The following PCDHGB4 variants were observed in gnomAD, a reference collection of about 807,000 sequenced individuals.
PCDHGB4 encodes protocadherin gamma-B4.
In PCDHGB4, 38 loss-of-function variants were observed where a neutral mutation model predicts 60.5. The ratio of observed to expected loss-of-function variants is 0.63; its 90% CI spans 0.48 to 0.82. PCDHGB4 has a LOEUF of 0.82. PCDHGB4 is among the 40% of genes least tolerant of loss of function. The pLI is 0.00. For missense variants in PCDHGB4, 1,109 were observed against 1,209.6 expected (o/e 0.92, Z 1.23); for synonymous variants, 456 against 509.7 (o/e 0.89, Z 1.42).
intron 1 of PCDHGB4, among the ~76,000 whole-genome samples, chr5:141,469,207 G>T (rs2099193654): frequency 6.6e-6 from 1 of 151,820 alleles, no homozygotes; most frequent in African/African-American, 2.4e-5. Flanking sequence ...GCCTTTTGAA[G>T]TTGAGGCTTC....
At position 141,438,631 on chromosome 5, in the gene PCDHGB4, T is replaced by C. The variant is rs1227796079; in HGVS notation, c.2397+48350T>C. 6.5e-4 allele frequency among the ~76,000 whole-genome samples: 28 copies of C among 43,202 alleles called. 1 individual carries two copies. Among genetic ancestry groups the C allele is most frequent in the Non-Finnish European group, 8.8e-4 (23 of 26,272 alleles). 28.3% of individuals were successfully genotyped at this position (43,202 alleles called of 152,430 possible). On this transcript the variant is annotated intron_variant, in intron 1 of 3. Transcript: ENST00000519479. ...ATATATATATATATATATATATATATATATACACACACACACACACATATA... is the reference window on the plus strand; with the variant it reads ...ATATATATATATATATATATATATACATATACACACACACACACACATATA...
At chr5:141,452,951 G>A (rs1397204185) in intron 1 of PCDHGB4, among the ~76,000 whole-genome samples, 1 of 152,154 alleles carries the variant, frequency 6.6e-6, no homozygotes, top group Admixed American at 6.6e-5. Context: ...GCAATTGGTT[G>A]TCTTTAAACT....
At chr5:141,453,377 T>TC (rs1242854086) in intron 1 of PCDHGB4, among the ~76,000 whole-genome samples, 3 of 152,072 alleles carry the variant, frequency 2.0e-5, no homozygotes, top group Admixed American at 2.0e-4. Context: ...CAAGTGATCC[T>TC]CCTGCCTTAG....
rs142172414 is a variant in PCDHGB4, at chr5:141,477,145, G to A, written c.2398-17662G>A. On this transcript the variant is annotated intron_variant, in intron 1 of 3. Coordinates refer to ENST00000519479, the MANE Select transcript of PCDHGB4 (RefSeq NM_003736.4). The surrounding 1 kb of genome is among the most constrained non-coding windows in gnomAD (Gnocchi z 4.9). ...ATTGCAAAGTGTTGGTGGAGGTTGT[G>A]GATGTGAATGACAACGCCCCGGAGA... The A allele has an allele frequency of 3.7e-6, 6 of 1,614,054 alleles. No homozygotes were observed. The African/African-American group carries it at 8.0e-5, about 22-fold the overall frequency.
Position 141,485,814 on chromosome 5 carries a change from C to T in PCDHGB4, c.2398-8993C>T, listed in dbSNP as rs2099619616. 7.4e-6 allele frequency: 12 copies of T among 1,613,982 alleles called. No individual in the cohort carries two copies. The East Asian group carries it at 2.2e-4, about 30-fold the overall frequency. On this transcript the variant is annotated intron_variant, in intron 1 of 3. Coordinates refer to ENST00000519479, the MANE Select transcript of PCDHGB4 (RefSeq NM_003736.4). This position sits in a 1 kb window ranked among gnomAD's most constrained non-coding sequence, Gnocchi z 5.7. ...TCGGACTACCGCCTGGTGCTGACTG[C>T]TGTCGATGGAGGGAACCCGCCGAGA...
intron 1 of PCDHGB4, chr5:141,411,352 C>T (rs1002274073): frequency 2.6e-5 from 4 of 152,176 alleles, no homozygotes; most frequent in African/African-American, 9.7e-5. Flanking sequence ...GAAAGTATCA[C>T]TTGAGCCCAA....
Position 141,477,209 on chromosome 5 carries a change from G to A in PCDHGB4, c.2398-17598G>A. ...CGTGTACAGCCCAGTACCCGAGGAT[G>A]CCCCTCTGGGGACTGTCATCGCTTT... is the stretch of plus-strand genomic sequence containing the variant. On this transcript the variant is annotated intron_variant, in intron 1 of 3. Coordinates refer to ENST00000519479, the MANE Select transcript of PCDHGB4 (RefSeq NM_003736.4). This position sits in a 1 kb window ranked among gnomAD's most constrained non-coding sequence, Gnocchi z 4.9. The A allele has an allele frequency of 6.2e-7, 1 of 1,614,194 alleles. No homozygotes were observed.
intron 1 of PCDHGB4, chr5:141,395,206 A>T: frequency 1.9e-6 from 3 of 1,613,736 alleles, no homozygotes; most frequent in Non-Finnish European, 2.5e-6. Flanking sequence ...GTAGATTTTC[A>T]TGAATATAAG....
At chr5:141,450,829 A>ATTTTT (rs373424450) in intron 1 of PCDHGB4, among the ~76,000 whole-genome samples, 3 of 135,122 alleles carry the variant, frequency 2.2e-5, no homozygotes, top group Admixed American at 7.6e-5. Flanking sequence ...TATTATTATT[A>ATTTTT]TTTTTTTTTT....
At chr5:141,503,801 G>A (rs920669425) in intron 2 of PCDHGB4, among the ~76,000 whole-genome samples, 1 of 151,990 alleles carries the variant, frequency 6.6e-6, no homozygotes, top group Admixed American at 6.6e-5. Flanking sequence ...ACTTAGGGAC[G>A]GGGAATCCCA....
rs759220286 is a variant in PCDHGB4 at position 141,490,018 on chromosome 5, C to G, written c.2398-4789C>G. The G allele has an allele frequency of 6.2e-7, 1 of 1,614,252 alleles. No individual in the cohort carries two copies. Among genetic ancestry groups the G allele is most frequent in the Non-Finnish European group, 8.5e-7 (1 of 1,180,038 alleles). ...CCCAGAGAATGCACCCATTGGTACTCTGCTGCTCCGCCTCAATGCCACTGA... is the reference window on the plus strand; with the variant it reads ...CCCAGAGAATGCACCCATTGGTACTGTGCTGCTCCGCCTCAATGCCACTGA... On this transcript the variant is annotated intron_variant, in intron 1 of 3. Transcript: ENST00000519479. This position sits in a 1 kb window ranked among gnomAD's most constrained non-coding sequence, Gnocchi z 5.4.
rs1374190670 is a variant in PCDHGB4 at position 141,487,196 on chromosome 5, G to C, written c.2398-7611G>C. ...GGAAGACACTCATCCAGTTGTCCCAGATCTTCGAGAATCTTCAGCTCCAAG... is the reference window on the plus strand; with the variant it reads ...GGAAGACACTCATCCAGTTGTCCCACATCTTCGAGAATCTTCAGCTCCAAG... On this transcript the variant is annotated intron_variant, in intron 1 of 3. Coordinates refer to ENST00000519479, the MANE Select transcript of PCDHGB4 (RefSeq NM_003736.4). The surrounding 1 kb of genome is among the most constrained non-coding windows in gnomAD (Gnocchi z 5.0). 6.2e-7 allele frequency: 1 copy of C among 1,613,878 alleles called. No homozygotes were observed. Among genetic ancestry groups the C allele is most frequent in the Admixed American group, 1.7e-5 (1 of 60,030 alleles).
intron 1 of PCDHGB4, chr5:141,422,676 A>C (rs1245488589): frequency 6.2e-7 from 1 of 1,606,500 alleles, no homozygotes; most frequent in Admixed American, 1.7e-5. Flanking sequence ...CGGACAGCAA[A>C]CAGAATGCCC....
chr5:141,407,455 C>G (rs2094931708), intron 1 of PCDHGB4, among the ~76,000 whole-genome samples: 1 of 148,412 alleles, frequency 6.7e-6, no homozygotes, highest in African/African-American at 2.5e-5. Context: ...ACGAGGCTCA[C>G]CAGACAGATG....
At position 141,486,112 on chromosome 5, in the gene PCDHGB4, G is replaced by A; in HGVS notation, c.2398-8695G>A. ...TGGGGCCCCTAGACTTTGAGAGTGA[G>A]AATTACTATGAATTTGATGTGCGGG... On this transcript the variant is annotated intron_variant, in intron 1 of 3. Transcript: ENST00000519479. This position sits in a 1 kb window ranked among gnomAD's most constrained non-coding sequence, Gnocchi z 5.0. 1 of 1,614,166 alleles carries A rather than the reference G, an allele frequency of 6.2e-7. No homozygotes were observed. Among genetic ancestry groups the A allele is most frequent in the Non-Finnish European group, 8.5e-7 (1 of 1,180,024 alleles).
At position 141,432,458 on chromosome 5, in the gene PCDHGB4, C is replaced by T. The variant is rs1368524835; in HGVS notation, c.2397+42177C>T. 1.9e-6 allele frequency: 3 copies of T among 1,614,136 alleles called. No individual in the cohort carries two copies. The highest frequency in any genetic ancestry group is 8.5e-7 in the Non-Finnish European group (1 of 1,180,066). ...TGCGCCCGAGATCCTGTACCCCGCC[C>T]TCCCCACGGACGGTTCCACTGGCGT... On this transcript the variant is annotated intron_variant, in intron 1 of 3. Transcript: ENST00000519479. This position sits in a 1 kb window ranked among gnomAD's most constrained non-coding sequence, Gnocchi z 6.0.
chr5:141,501,328 CACA>C (rs2099808027), intron 2 of PCDHGB4, among the ~76,000 whole-genome samples: 1 of 151,710 alleles, frequency 6.6e-6, no homozygotes, highest in Non-Finnish European at 1.5e-5. Context: ...CACACACACA[CACA>C]CACCCCAAAC....
Position 141,485,365 on chromosome 5 carries a change from G to A in PCDHGB4, c.2398-9442G>A. 1 of 1,614,120 alleles carries A rather than the reference G, an allele frequency of 6.2e-7. No homozygotes were observed. Among genetic ancestry groups the A allele is most frequent in the Admixed American group, 1.7e-5 (1 of 60,018 alleles). ...CGGACAGTCTGTCAGCTCGCAGGCT[G>A]CAGGTCGCTGGAGAGGTGAACCAAA... On this transcript the variant is annotated intron_variant, in intron 1 of 3. Transcript: ENST00000519479. The surrounding 1 kb of genome is among the most constrained non-coding windows in gnomAD (Gnocchi z 5.7).
At chr5:141,509,376 C>A (rs2099876528) in intron 3 of PCDHGB4, among the ~76,000 whole-genome samples, 1 of 152,122 alleles carries the variant, frequency 6.6e-6, no homozygotes, top group African/African-American at 2.4e-5. Flanking sequence ...TTAACTGTCT[C>A]CTAACCACAG....
Sources: gnomAD v4.1 joint callset for allele counts (sites outside exome capture counted in the v4.1 genomes callset) on GRCh38, gnomAD v4.1.1 for gene constraint, Gnocchi (gnomAD v3.1) non-coding constraint, MANE v1.5 for transcripts, NCBI Gene and HGNC (gene_info 2026-07-23, HGNC 2026-07-21) for gene names.